SPANXN3: variants seen among roughly 807,000 people sequenced by gnomAD.
SPANXN3 encodes the protein SPANX family member N3.
SPANXN3 carries 1 observed loss-of-function variant against 1.9 expected under a neutral mutation model. That is an observed-to-expected ratio of 0.54 (90% confidence interval 0.19 to 2.54). The LOEUF is 2.54. Among genes scored for constraint, SPANXN3 ranks in the 30% most tolerant of loss-of-function variants. SPANXN3 has a pLI of 0.24. For synonymous variants in SPANXN3, 47 were observed against 40.0 expected (o/e 1.17, Z -0.66); for missense variants, 113 against 96.2 (o/e 1.17, Z -0.73).
intron 1 of SPANXN3, among the ~76,000 whole-genome samples, chrX:143,513,563 C>T (rs1556412054): frequency 3.6e-5 from 4 of 111,686 alleles, no homozygotes; most frequent in Non-Finnish European, 7.5e-5. Context: ...CCTTCTATCC[C>T]TCCTACCATC....
intron 1 of SPANXN3, among the ~76,000 whole-genome samples, chrX:143,514,210 G>A (rs782326178): frequency 1.8e-5 from 2 of 111,833 alleles, no homozygotes; most frequent in Admixed American, 9.5e-5. Flanking sequence ...CATCGTTATT[G>A]CTCATTTTTT....
intron 1 of SPANXN3, among the ~76,000 whole-genome samples, chrX:143,512,137 G>A (rs781842038): frequency 4.5e-5 from 5 of 110,198 alleles, no homozygotes; most frequent in South Asian, 8.0e-4. Flanking sequence ...CTATCTTGGG[G>A]TGGGACATAT....
rs1556411245 is a variant in SPANXN3 at position 143,508,967 on chromosome X, A to G, written c.274T>C (p.Ser92Pro). The change falls in exon 2 of 2, where the codon TCT becomes CCT. Residue 92 changes from serine (S) to proline (P), a missense_variant. Physicochemically the swap from Ser to Pro is moderately conservative, Grantham distance 74. Transcript: ENST00000370503. ...TCATCCTCATTTGAAGATCCTTCAG[A>G]TAAGTCTACGCCTTCGTCCTCCTCC... ...QKEEDEGVDL[S>P]EGSSNEDEDL... is the part of the protein sequence containing the mutation. 1 of 1,212,075 alleles carries G rather than the reference A, an allele frequency of 8.3e-7. No homozygotes were observed. Among genetic ancestry groups the G allele is most frequent in the Non-Finnish European group, 1.1e-6 (1 of 895,582 alleles).
At chrX:143,510,914 C>T (rs782742702) in intron 1 of SPANXN3, among the ~76,000 whole-genome samples, 5 of 110,676 alleles carry the variant, frequency 4.5e-5, no homozygotes, top group South Asian at 8.0e-4. Flanking sequence ...GCTCTTTTGC[C>T]GAAAACCAGA....
chrX:143,511,943 A>G (rs1261630967), intron 1 of SPANXN3, among the ~76,000 whole-genome samples: 2 of 111,328 alleles, frequency 1.8e-5, no homozygotes, highest in Non-Finnish European at 3.8e-5. Context: ...TTCCTATTGG[A>G]TACTCAATAC....
At chrX:143,510,682 C>A (rs1556411573) in intron 1 of SPANXN3, among the ~76,000 whole-genome samples, 1 of 111,779 alleles carries the variant, frequency 8.9e-6, no homozygotes, top group East Asian at 2.8e-4. Context: ...ATCTTGTTCA[C>A]CTTTTCAAAT....
chrX:143,514,676 T>C (rs373328355), intron 1 of SPANXN3, among the ~76,000 whole-genome samples: 47 of 111,397 alleles, frequency 4.2e-4, no homozygotes, highest in African/African-American at 1.3e-3. Context: ...TCTATTCTCT[T>C]CACCCATATT....
intron 1 of SPANXN3, among the ~76,000 whole-genome samples, chrX:143,510,645 G>A (rs781974266): frequency 1.8e-5 from 2 of 111,605 alleles, no homozygotes; most frequent in East Asian, 2.9e-4. Flanking sequence ...GCTTATCTCC[G>A]CTCATGCCTC....
chrX:143,511,449 A>G (rs2124255638), intron 1 of SPANXN3, among the ~76,000 whole-genome samples: 1 of 111,388 alleles, frequency 9.0e-6, no homozygotes, highest in South Asian at 3.9e-4. Context: ...TTTACACTTT[A>G]TCTCCCAGTC....
At chrX:143,511,525 TAATC>T (rs1929091157) in intron 1 of SPANXN3, among the ~76,000 whole-genome samples, 1 of 111,021 alleles carries the variant, frequency 9.0e-6, no homozygotes, top group African/African-American at 3.3e-5. Flanking sequence ...CAAAGAGACT[TAATC>T]AAAGTGGCCT....
intron 1 of SPANXN3, among the ~76,000 whole-genome samples, chrX:143,513,508 T>C (rs141855157): frequency 0.027 from 3,029 of 111,795 alleles, 95 homozygotes; most frequent in African/African-American, 0.093. Flanking sequence ...AACACATTAC[T>C]ATTGCATCTT....
intron 1 of SPANXN3, among the ~76,000 whole-genome samples, chrX:143,514,855 T>A: frequency 1.8e-5 from 2 of 111,554 alleles, no homozygotes; most frequent in Middle Eastern, 4.7e-3. Context: ...CTGACCAATC[T>A]TCCCTAAAGG....
chrX:143,514,563 G>A (rs1327784431), intron 1 of SPANXN3, among the ~76,000 whole-genome samples: 10 of 111,216 alleles, frequency 9.0e-5, no homozygotes, highest in African/African-American at 2.9e-4. Flanking sequence ...TCACTCACAT[G>A]TCCCCCAGAA....
chrX:143,513,108 G>T (rs6636987), intron 1 of SPANXN3, among the ~76,000 whole-genome samples: 48,127 of 110,360 alleles, frequency 0.44, 7,974 homozygotes, highest in East Asian at 0.6. Flanking sequence ...TCTCCTTCTC[G>T]GGCCTTGTGG....
At chrX:143,513,403 T>C (rs7052934) in intron 1 of SPANXN3, among the ~76,000 whole-genome samples, 5,976 of 111,800 alleles carry the variant, frequency 0.053, 193 homozygotes, top group East Asian at 0.19. Context: ...AACTGGACTC[T>C]GTTGTTTTGT....
At position 143,517,425 on chromosome X, in the gene SPANXN3, C is replaced by T. The variant is rs1265466969; in HGVS notation, c.-34G>A. On this transcript the variant is annotated 5_prime_UTR_variant, in exon 1 of 2. Transcript: ENST00000370503. Reference sequence around the variant, plus strand: ...TTGGTTGTAGAATGTCTATAGTAGGCTCCTGTAGACTGCAGACTTCCACAG... The same window carrying T: ...TTGGTTGTAGAATGTCTATAGTAGGTTCCTGTAGACTGCAGACTTCCACAG... The T allele has an allele frequency of 8.4e-7, 1 of 1,184,317 alleles. No individual in the cohort carries two copies. The highest frequency in any genetic ancestry group is 1.1e-6 in the Non-Finnish European group (1 of 871,561).
intron 1 of SPANXN3, among the ~76,000 whole-genome samples, chrX:143,511,494 G>A (rs1162250543): frequency 9.0e-6 from 1 of 111,510 alleles, no homozygotes; most frequent in Admixed American, 9.6e-5. Context: ...TTTAAAAAGT[G>A]GAGGATGGCC....
chrX:143,515,458 C>T (rs1483922049), intron 1 of SPANXN3, among the ~76,000 whole-genome samples: 7 of 111,472 alleles, frequency 6.3e-5, no homozygotes, highest in African/African-American at 1.3e-4. Flanking sequence ...TCTTTCCTGG[C>T]TACCCTTCCC....
At chrX:143,513,180 A>G (rs1268238870) in intron 1 of SPANXN3, among the ~76,000 whole-genome samples, 10 of 111,798 alleles carry the variant, frequency 8.9e-5, no homozygotes, top group Admixed American at 1.9e-4. Context: ...ACAGGGCCTC[A>G]CATGGGCCCA....
Sources: gnomAD v4.1 joint callset for allele counts (sites outside exome capture counted in the v4.1 genomes callset) on GRCh38, gnomAD v4.1.1 for gene constraint, MANE v1.5 for transcripts, NCBI Gene and HGNC (gene_info 2026-07-23, HGNC 2026-07-21) for gene names.